CRKL: variants seen among roughly 807,000 people sequenced by gnomAD.
The protein encoded by CRKL is crk-like protein.
In CRKL, 3 loss-of-function variants were observed where a neutral mutation model predicts 23.0. The observed-to-expected ratio is 0.13, with a 90% CI of 0.06 to 0.34. CRKL has a LOEUF of 0.34. CRKL is among the 10% of genes least tolerant of loss of function. CRKL has a pLI of 1.00. For synonymous variants in CRKL, 188 were observed against 160.7 expected (o/e 1.17, Z -1.28); for missense variants, 256 against 394.5 (o/e 0.65, Z 2.97).
chr22:20,945,345 CTA>C (rs1922021264), intron 2 of CRKL, among the ~76,000 whole-genome samples: 1 of 152,078 alleles, frequency 6.6e-6, no homozygotes, highest in Non-Finnish European at 1.5e-5. Context: ...CAACTGATAT[CTA>C]TGTGTTGATC....
intron 2 of CRKL, among the ~76,000 whole-genome samples, chr22:20,945,585 A>G (rs1372299946): frequency 6.6e-6 from 1 of 152,164 alleles, no homozygotes; most frequent in Non-Finnish European, 1.5e-5. Flanking sequence ...TAAGAAAGAG[A>G]CCAAGTCTTC....
chr22:20,941,890 A>G lies in CRKL; in HGVS notation c.777+7646A>G, dbSNP rs115495914. The stretch of plus-strand genomic sequence containing the variant: ...AAAAGGTTTTTGTTCCTCTTTCCTA[A>G]TGTGTAAATTAAGTCAGAATGCCAT... On this transcript the variant is annotated intron_variant, in intron 2 of 2. Coordinates refer to ENST00000354336, the MANE Select transcript of CRKL (RefSeq NM_005207.4). 7.8e-3 allele frequency among the ~76,000 whole-genome samples: 1,182 copies of G among 152,134 alleles called. 11 individuals carry two copies. Among genetic ancestry groups the G allele is most frequent in the African/African-American group, 0.026 (1,088 of 41,484 alleles).
chr22:20,951,229 G>A lies in CRKL; in HGVS notation c.*1384G>A, dbSNP rs1264301137. 3.9e-5 allele frequency: 9 copies of A among 232,556 alleles called. No individual in the cohort carries two copies. The Admixed American group carries it at 4.5e-4, about 12-fold the overall frequency. The allele number at this position is 232,556 out of a possible 1,614,324, so 14.4% of individuals were successfully genotyped here. A position where few individuals can be genotyped will look rare whatever the true frequency, so the allele number is the denominator to read the frequency against. On this transcript the variant is annotated 3_prime_UTR_variant, in exon 3 of 3. Transcript: ENST00000354336. The stretch of plus-strand genomic sequence containing the variant: ...GGCCCAATCTCGTCAGGCTGCCAGA[G>A]AAAGTTGGTGCTGCTCATACTGGTC...
chr22:20,929,314 G>A (rs1210220023), intron 1 of CRKL, among the ~76,000 whole-genome samples: 4 of 151,200 alleles, frequency 2.6e-5, no homozygotes, highest in Non-Finnish European at 4.4e-5. Flanking sequence ...ACAGGCGCCT[G>A]CCACCACGCT....
chr22:20,927,128 A>AAAAAAAAAAAAAAAAAAAGAAAAAAAAG (rs1555918902), intron 1 of CRKL, among the ~76,000 whole-genome samples: 1 of 125,766 alleles, frequency 8.0e-6, no homozygotes, highest in African/African-American at 3.0e-5. Context: ...AAAAAAAAAA[A>AAAAAAAAAAAAAAAAAAAGAAAAAAAAG]AAAAAAAAGA....
chr22:20,922,028 T>C (rs2147895136), intron 1 of CRKL, among the ~76,000 whole-genome samples: 1 of 138,000 alleles, frequency 7.2e-6, no homozygotes, highest in Non-Finnish European at 1.6e-5. Context: ...TTTTTTTTTT[T>C]TGGTAGATGA....
Position 20,952,650 on chromosome 22 carries a change from G to T in CRKL, c.*2805G>T. The T allele has an allele frequency of 4.3e-6, 1 of 232,436 alleles. No homozygotes were observed. Among genetic ancestry groups the T allele is most frequent in the Non-Finnish European group, 8.5e-6 (1 of 117,508 alleles). 14.4% of individuals were successfully genotyped at this position (232,436 alleles called of 1,614,324 possible). On this transcript the variant is annotated 3_prime_UTR_variant, in exon 3 of 3. Coordinates refer to ENST00000354336, the MANE Select transcript of CRKL (RefSeq NM_005207.4). ...CAGTGCACATCTGACCCAGAGGGTGGGTGTTCATAACTGCTACTTGCTCTG... is the reference window on the plus strand; with the variant it reads ...CAGTGCACATCTGACCCAGAGGGTGTGTGTTCATAACTGCTACTTGCTCTG...
chr22:20,946,584 G>C (rs1163172078), intron 2 of CRKL, among the ~76,000 whole-genome samples: 2 of 152,078 alleles, frequency 1.3e-5, no homozygotes, highest in African/African-American at 4.8e-5. Context: ...ACATCTCCCA[G>C]GTGTAGTTTG....
At chr22:20,935,752 C>T (rs887001298) in intron 2 of CRKL, among the ~76,000 whole-genome samples, 1 of 152,138 alleles carries the variant, frequency 6.6e-6, no homozygotes, top group African/African-American at 2.4e-5. Flanking sequence ...TCTCGAACTC[C>T]TGACCTCAGG....
At chr22:20,942,729 C>T (rs1921924669) in intron 2 of CRKL, among the ~76,000 whole-genome samples, 1 of 152,064 alleles carries the variant, frequency 6.6e-6, no homozygotes, top group Non-Finnish European at 1.5e-5. Context: ...CAAGCGATTT[C>T]TCCTGCCTCA....
At position 20,952,322 on chromosome 22, in the gene CRKL, T is replaced by G. The variant is rs902182842; in HGVS notation, c.*2477T>G. ...TTGTGTGGCGCACTTCAGAATCAGA[T>G]ATACCTAGAGTATACCTGTGGTTTG... On this transcript the variant is annotated 3_prime_UTR_variant, in exon 3 of 3. Transcript: ENST00000354336. 8.7e-6 allele frequency: 2 copies of G among 229,760 alleles called. No individual in the cohort carries two copies. Among genetic ancestry groups the G allele is most frequent in the Non-Finnish European group, 1.7e-5 (2 of 115,922 alleles). 14.2% of individuals were successfully genotyped at this position (229,760 alleles called of 1,614,324 possible). A position where few individuals can be genotyped will look rare whatever the true frequency, so the allele number is the denominator to read the frequency against.
intron 2 of CRKL, among the ~76,000 whole-genome samples, chr22:20,945,167 G>A (rs1207952720): frequency 6.6e-6 from 1 of 151,824 alleles, no homozygotes; most frequent in East Asian, 1.9e-4. Flanking sequence ...CTAATTTTTT[G>A]TATTTTTAGT....
chr22:20,917,862 G>C lies in CRKL; in HGVS notation c.-73G>C, dbSNP rs2147891031. On this transcript the variant is annotated 5_prime_UTR_variant, in exon 1 of 3. Coordinates refer to ENST00000354336, the MANE Select transcript of CRKL (RefSeq NM_005207.4). ...CCCTTCCTCGGCCCCAAAGCCGTCT[G>C]CCGGGCTAAGGCGTGCAGAGCAGGC... is the stretch of plus-strand genomic sequence containing the variant. 1 of 1,460,366 alleles carries C rather than the reference G, an allele frequency of 6.8e-7. No individual in the cohort carries two copies. The highest frequency in any genetic ancestry group is 1.4e-5 in the African/African-American group (1 of 70,900). 90.5% of individuals were successfully genotyped at this position (1,460,366 alleles called of 1,614,324 possible). A position where few individuals can be genotyped will look rare whatever the true frequency, so the allele number is the denominator to read the frequency against.
intron 1 of CRKL, among the ~76,000 whole-genome samples, chr22:20,921,699 TTTTC>T (rs756353473): frequency 1.3e-4 from 19 of 151,640 alleles, no homozygotes; most frequent in East Asian, 3.9e-4. Context: ...AGTGTGTTTC[TTTTC>T]TTTCTTTCTT....
chr22:20,919,189 C>G (rs1929798245), intron 1 of CRKL, among the ~76,000 whole-genome samples: 1 of 151,988 alleles, frequency 6.6e-6, no homozygotes, highest in African/African-American at 2.4e-5. Flanking sequence ...TGAAGCAGGC[C>G]AGACACCACC....
rs371278201 is a variant in CRKL at position 20,927,111 on chromosome 22, C to CAAAAAAA, written c.312-6649_312-6643dup. ...TGGGTGACAGAGCAAGACTCCGTCTCAAAAAAAAAAAAAAAAAAAAAAAAA... is the reference window on the plus strand; with the variant it reads ...TGGGTGACAGAGCAAGACTCCGTCTCAAAAAAAAAAAAAAAAAAAAAAAAAAAAAAAA... On this transcript the variant is annotated intron_variant, in intron 1 of 2. Transcript: ENST00000354336. Among the ~76,000 whole-genome samples the CAAAAAAA allele has an allele frequency of 5.4e-3, 260 of 48,478 alleles. 8 individuals carry two copies. The highest frequency in any genetic ancestry group is 0.023 in the Middle Eastern group (1 of 44). The allele number at this position is 48,478 out of a possible 152,430, so 31.8% of individuals were successfully genotyped here.
rs181361558 is a variant in CRKL at position 20,935,920 on chromosome 22, C to T, written c.777+1676C>T. 1.8e-3 allele frequency among the ~76,000 whole-genome samples: 274 copies of T among 152,094 alleles called. 2 individuals are homozygous for T. The highest frequency in any genetic ancestry group is 6.0e-3 in the African/African-American group (249 of 41,538). On this transcript the variant is annotated intron_variant, in intron 2 of 2. Transcript: ENST00000354336. ...CTGTAATCCCAGCACTTTGGGAGGG[C>T]GAGGCTGGTGGATAACTTGAGGTCT... is the stretch of plus-strand genomic sequence containing the variant.
intron 2 of CRKL, among the ~76,000 whole-genome samples, chr22:20,944,756 T>C (rs540026655): frequency 5.9e-5 from 9 of 151,916 alleles, no homozygotes; most frequent in Admixed American, 1.3e-4. Context: ...CTTTTTTTTT[T>C]TTCTTCTTGG....
chr22:20,931,612 C>A (rs1009513301), intron 1 of CRKL, among the ~76,000 whole-genome samples: 1 of 151,974 alleles, frequency 6.6e-6, no homozygotes, highest in Admixed American at 6.6e-5. Context: ...AACCAGACTC[C>A]CTGAGTGCAA....
Sources: gnomAD v4.1 joint callset for allele counts (sites outside exome capture counted in the v4.1 genomes callset) on GRCh38, gnomAD v4.1.1 for gene constraint, MANE v1.5 for transcripts, NCBI Gene and HGNC (gene_info 2026-07-23, HGNC 2026-07-21) for gene names.